NTM: variants seen among roughly 807,000 people sequenced by gnomAD.
NTM encodes IgLON family member 2.
A neutral mutation model predicts 42.1 loss-of-function variants in NTM; 13 were observed. The ratio of observed to expected loss-of-function variants is 0.31; its 90% CI spans 0.20 to 0.49. NTM has a LOEUF of 0.49. Ranked by LOEUF, NTM falls within the 20% of genes least tolerant of loss-of-function variation. NTM has a pLI of 0.99. For synonymous variants in NTM, 187 were observed against 179.2 expected, an observed-to-expected ratio of 1.04 and a Z score of -0.35; for missense variants, 373 against 452.8, an observed-to-expected ratio of 0.82 and a Z score of 1.60.
intron 2 of NTM, among the ~76,000 whole-genome samples, chr11:132,067,064 C>T (rs1277729833): frequency 6.6e-6 from 1 of 152,150 alleles, no homozygotes; most frequent in South Asian, 2.1e-4. Context: ...AAGAGATCCT[C>T]CTACCTCGGC....
intron 2 of NTM, among the ~76,000 whole-genome samples, chr11:131,926,793 C>A (rs1477174062): frequency 6.6e-6 from 1 of 152,192 alleles, no homozygotes; most frequent in Non-Finnish European, 1.5e-5. Flanking sequence ...TGATGTGTCA[C>A]CCCTGCAGCA....
chr11:131,841,432 A>G (rs1353020730), intron 1 of NTM, among the ~76,000 whole-genome samples: 3 of 152,208 alleles, frequency 2.0e-5, no homozygotes, highest in Non-Finnish European at 4.4e-5. Context: ...TTTTGCACTC[A>G]AAGAGCTCAC....
chr11:132,036,000 A>T (rs2076470851), intron 2 of NTM, among the ~76,000 whole-genome samples: 2 of 152,132 alleles, frequency 1.3e-5, no homozygotes, highest in African/African-American at 4.8e-5. Context: ...GGTGACAAGG[A>T]TGTAATTTAC....
At chr11:132,242,774 G>A (rs1012266848) in intron 4 of NTM, among the ~76,000 whole-genome samples, 6 of 152,142 alleles carry the variant, frequency 3.9e-5, no homozygotes, top group African/African-American at 1.2e-4. Context: ...TGACTCCCTC[G>A]AGGTATTATT....
At chr11:132,273,012 T>A (rs1324621747) in intron 4 of NTM, among the ~76,000 whole-genome samples, 2 of 152,112 alleles carry the variant, frequency 1.3e-5, no homozygotes, top group Non-Finnish European at 2.9e-5. Flanking sequence ...GTTTTGTTTT[T>A]GTTTTTGTTT....
At chr11:131,520,730 T>C (rs2049522399) in intron 1 of NTM, among the ~76,000 whole-genome samples, 1 of 145,972 alleles carries the variant, frequency 6.9e-6, no homozygotes, top group Non-Finnish European at 1.5e-5. Context: ...ACTTAGAAGC[T>C]TTATATGTAC....
intron 2 of NTM, among the ~76,000 whole-genome samples, chr11:131,988,115 C>G (rs1340300031): frequency 1.3e-5 from 2 of 152,184 alleles, no homozygotes; most frequent in Non-Finnish European, 2.9e-5. Context: ...TTGCTGTGTC[C>G]TCACATAGTG....
intron 1 of NTM, among the ~76,000 whole-genome samples, chr11:131,406,366 G>A (rs183448910): frequency 6.6e-6 from 1 of 152,150 alleles, no homozygotes; most frequent in African/African-American, 2.4e-5. Flanking sequence ...TAATTTAGTG[G>A]CCATATTAAA....
chr11:132,271,797 CT>C (rs1565353453), intron 4 of NTM, among the ~76,000 whole-genome samples: 1 of 150,210 alleles, frequency 6.7e-6, no homozygotes, highest in Non-Finnish European at 1.5e-5. Flanking sequence ...ATATGAATTC[CT>C]AATCAGATAT....
intron 1 of NTM, among the ~76,000 whole-genome samples, chr11:131,451,722 C>A (rs1950504287): frequency 6.6e-6 from 1 of 152,118 alleles, no homozygotes; most frequent in Non-Finnish European, 1.5e-5. Flanking sequence ...GAGATCTTTG[C>A]TGGAGCCACG....
intron 2 of NTM, among the ~76,000 whole-genome samples, chr11:131,935,914 G>A (rs1427617165): frequency 6.6e-6 from 1 of 152,014 alleles, no homozygotes; most frequent in Non-Finnish European, 1.5e-5. Context: ...CTGATACTTT[G>A]TTCTTAGCTT....
At chr11:131,775,541 T>C (rs10791165) in intron 1 of NTM, among the ~76,000 whole-genome samples, 85,432 of 151,906 alleles carry the variant, frequency 0.56, 24,323 homozygotes, top group African/African-American at 0.65. Flanking sequence ...AAACATTAGT[T>C]CCTGCATGTC....
At chr11:131,887,331 AC>A (rs1397831265) in intron 1 of NTM, among the ~76,000 whole-genome samples, 1 of 152,178 alleles carries the variant, frequency 6.6e-6, no homozygotes, top group Non-Finnish European at 1.5e-5. Context: ...GTGCCTGGGA[AC>A]AAAAACAAAA....
At chr11:132,160,221 C>T (rs1401714140) in intron 3 of NTM, among the ~76,000 whole-genome samples, 1 of 152,132 alleles carries the variant, frequency 6.6e-6, no homozygotes, top group Non-Finnish European at 1.5e-5. Context: ...TTCTTTTTAC[C>T]TTTTTCTGGC....
At chr11:131,594,243 A>G (rs754942234) in intron 1 of NTM, among the ~76,000 whole-genome samples, 61 of 152,204 alleles carry the variant, frequency 4.0e-4, no homozygotes, top group Non-Finnish European at 7.6e-4. Flanking sequence ...AATTTATGCT[A>G]AGTCCTGTAG....
chr11:131,843,267 CA>C (rs999699262), intron 1 of NTM, among the ~76,000 whole-genome samples: 2 of 152,076 alleles, frequency 1.3e-5, no homozygotes, highest in African/African-American at 4.8e-5. Flanking sequence ...CAGAGGTCCC[CA>C]AAATTATGAA....
chr11:131,409,919 C>G (rs1226395893), intron 1 of NTM, among the ~76,000 whole-genome samples: 1 of 152,128 alleles, frequency 6.6e-6, no homozygotes, highest in Non-Finnish European at 1.5e-5. Flanking sequence ...CAGCAGCCTC[C>G]CATGGCACAG....
At chr11:131,840,922 T>A (rs1029452485) in intron 1 of NTM, among the ~76,000 whole-genome samples, 1 of 152,104 alleles carries the variant, frequency 6.6e-6, no homozygotes, top group African/African-American at 2.4e-5. Flanking sequence ...TGACAGAAGG[T>A]GTGAAATGAA....
chr11:131,672,265 G>A (rs11820500), intron 1 of NTM, among the ~76,000 whole-genome samples: 18,024 of 152,280 alleles, frequency 0.12, 3,585 homozygotes, highest in African/African-American at 0.41. Context: ...GCACAGGCCC[G>A]AATGCATTGA....
Sources: allele counts gnomAD v4.1 joint callset (sites outside exome capture counted in the v4.1 genomes callset), GRCh38; gene constraint gnomAD v4.1.1; transcripts MANE v1.5; gene names NCBI Gene and HGNC (gene_info 2026-07-23, HGNC 2026-07-21).